The following SUSD1 variants were observed in gnomAD, a reference collection of about 807,000 sequenced individuals.
SUSD1 encodes sushi domain containing 1.
A neutral mutation model predicts 86.9 loss-of-function variants in SUSD1; 65 were observed. That is an observed-to-expected ratio of 0.75 (90% CI 0.61 to 0.92). The LOEUF (loss-of-function observed/expected upper bound fraction) is 0.92, where lower values mean the gene tolerates loss of function less well. Ranked by LOEUF, SUSD1 falls within the 40% of genes least tolerant of loss-of-function variation. The pLI is 0.00. For synonymous variants in SUSD1, 346 were observed against 350.0 expected (o/e 0.99, Z 0.13); for missense variants, 850 against 929.7 (o/e 0.91, Z 1.11).
Position 112,113,706 on chromosome 9 carries a change from C to T in SUSD1, c.887-838G>A, listed in dbSNP as rs1293589367. ...CAGCACTTTGGGAGGCCAAGGTTGGCGGATTACCTGAGCTCAGAAGTTTGA... is the reference window on the plus strand; with the variant it reads ...CAGCACTTTGGGAGGCCAAGGTTGGTGGATTACCTGAGCTCAGAAGTTTGA... On this transcript the variant is annotated intron_variant, in intron 6 of 16. Coordinates refer to ENST00000374270, the MANE Select transcript of SUSD1 (RefSeq NM_022486.5). This position sits in a 1 kb window ranked among gnomAD's most constrained non-coding sequence, Gnocchi z 4.1. Among the ~76,000 whole-genome samples the T allele has an allele frequency of 1.3e-5, 2 of 151,798 alleles. No homozygotes were observed. The highest frequency in any genetic ancestry group is 2.4e-5 in the African/African-American group (1 of 41,320).
In SUSD1 at chr9:112,113,856, T is replaced by C. The variant is rs1333740281; in HGVS notation, c.887-988A>G. 2.0e-5 allele frequency among the ~76,000 whole-genome samples: 3 copies of C among 152,044 alleles called. No homozygotes were observed. Among genetic ancestry groups the C allele is most frequent in the Non-Finnish European group, 4.4e-5 (3 of 68,008 alleles). The stretch of plus-strand genomic sequence containing the variant: ...CTGAGGCAGGAGAATCACTTGAACC[T>C]GGGAGGCAGAGGTTGCAGTGAGCTG... On this transcript the variant is annotated intron_variant, in intron 6 of 16. Coordinates refer to ENST00000374270, the MANE Select transcript of SUSD1 (RefSeq NM_022486.5). This position sits in a 1 kb window ranked among gnomAD's most constrained non-coding sequence, Gnocchi z 4.1.
chr9:112,161,822 A>C (rs1377423742), intron 1 of SUSD1, among the ~76,000 whole-genome samples: 1 of 15,676 alleles, frequency 6.4e-5, no homozygotes, highest in Non-Finnish European at 1.4e-4. Flanking sequence ...ACTCCATCCA[A>C]AAAAAAAAAA....
At chr9:112,159,929 A>G (rs1260562079) in intron 1 of SUSD1, among the ~76,000 whole-genome samples, 1 of 152,202 alleles carries the variant, frequency 6.6e-6, no homozygotes, top group Non-Finnish European at 1.5e-5. Flanking sequence ...ATTTTAAAAA[A>G]GAACACACAA....
chr9:112,094,004 A>G (rs988458458), intron 10 of SUSD1, among the ~76,000 whole-genome samples: 1 of 152,078 alleles, frequency 6.6e-6, no homozygotes, highest in Admixed American at 6.5e-5. Context: ...GCCCGGAAGT[A>G]GCTAAGGTTT....
rs149595392 is a variant in SUSD1 at position 112,163,217 on chromosome 9, G to A, written c.104-5604C>T. On this transcript the variant is annotated intron_variant, in intron 1 of 16. Transcript: ENST00000374270. ...GTCACCCAGGCTGGAGTGCAATGGT[G>A]TGACGACAGCTCACTGCAGCCTTGA... is the stretch of plus-strand genomic sequence containing the variant. 1.3e-3 allele frequency among the ~76,000 whole-genome samples: 191 copies of A among 152,210 alleles called. 7 individuals are homozygous for A. The East Asian group carries it at 0.029, about 23-fold the overall frequency.
At chr9:112,080,378 A>C (rs1589624191) in intron 10 of SUSD1, among the ~76,000 whole-genome samples, 1 of 152,250 alleles carries the variant, frequency 6.6e-6, no homozygotes, top group East Asian at 1.9e-4. Context: ...ACCTAATCGG[A>C]GGACCCCTCT....
intron 5 of SUSD1, among the ~76,000 whole-genome samples, chr9:112,141,749 G>A (rs965109206): frequency 8.3e-6 from 1 of 120,258 alleles, no homozygotes; most frequent in African/African-American, 3.9e-5. Context: ...TATATTACAT[G>A]TAATATATAA....
At chr9:112,099,679 G>C (rs1347673995) in intron 9 of SUSD1, among the ~76,000 whole-genome samples, 1 of 152,096 alleles carries the variant, frequency 6.6e-6, no homozygotes, top group Non-Finnish European at 1.5e-5. Context: ...GATCAGTTAG[G>C]GTGCATTAGC....
intron 1 of SUSD1, chr9:112,174,045 CGGCTTCCAGT>C (rs72157169): frequency 0.48 from 76,062 of 157,992 alleles, 18,761 homozygotes; most frequent in African/African-American, 0.59. Context: ...CTCCCTGAGA[CGGCTTCCAGT>C]GGCTTCCAGG....
chr9:112,115,511 TC>T (rs1306494801), intron 6 of SUSD1, among the ~76,000 whole-genome samples: 17 of 152,078 alleles, frequency 1.1e-4, no homozygotes, highest in Admixed American at 6.6e-4. Context: ...AAAGAAATAC[TC>T]CAATTGTGGG....
intron 14 of SUSD1, among the ~76,000 whole-genome samples, chr9:112,055,792 G>A (rs1828421043): frequency 6.6e-6 from 1 of 151,976 alleles, no homozygotes; most frequent in African/African-American, 2.4e-5. Flanking sequence ...AAGCAAACGT[G>A]GTATACTCAT....
At position 112,058,589 on chromosome 9, in the gene SUSD1, C is replaced by T. The variant is rs1208383673; in HGVS notation, c.1948G>A (p.Asp650Asn). The T allele has an allele frequency of 6.2e-7, 1 of 1,614,144 alleles. No individual in the cohort carries two copies. Among genetic ancestry groups the T allele is most frequent in the South Asian group, 1.1e-5 (1 of 91,082 alleles). The change falls in exon 14 of 17, where the codon GAT becomes AAT. Residue 650 changes from aspartate to asparagine, a missense_variant. Transcript: ENST00000374270. Reference sequence around the variant, plus strand: ...AGTAGTTCTGCAGCCACGTATCCATCAGCATCAGAGGCGTTGCTAAAGAAG... The same window carrying T: ...AGTAGTTCTGCAGCCACGTATCCATTAGCATCAGAGGCGTTGCTAAAGAAG... ...SSFFSNASDA[D>N]GYVAAELLAK...
chr9:112,127,181 G>T (rs1032107604), intron 5 of SUSD1, among the ~76,000 whole-genome samples: 1 of 152,138 alleles, frequency 6.6e-6, no homozygotes, highest in Admixed American at 6.5e-5. Flanking sequence ...AGACCAGCCT[G>T]GCCAACATGG....
intron 14 of SUSD1, among the ~76,000 whole-genome samples, chr9:112,056,736 G>GTGTGTGTA (rs1554752461): frequency 1.3e-5 from 2 of 151,896 alleles, no homozygotes; most frequent in African/African-American, 4.8e-5. Context: ...GTGTGTGTGT[G>GTGTGTGTA]AGACAGGGTC....
intron 2 of SUSD1, among the ~76,000 whole-genome samples, chr9:112,154,577 A>G (rs984842453): frequency 1.3e-5 from 2 of 152,176 alleles, no homozygotes; most frequent in African/African-American, 4.8e-5. Flanking sequence ...TTAGAGAGAC[A>G]GAGCAGACTC....
At chr9:112,062,239 C>T (rs137920454) in intron 13 of SUSD1, among the ~76,000 whole-genome samples, 2 of 152,248 alleles carry the variant, frequency 1.3e-5, no homozygotes, top group East Asian at 1.9e-4. Flanking sequence ...TGAAACGATG[C>T]CCCTGACCCA....
At chr9:112,132,106 AATC>A (rs1277449477) in intron 5 of SUSD1, among the ~76,000 whole-genome samples, 3 of 152,254 alleles carry the variant, frequency 2.0e-5, no homozygotes, top group Admixed American at 1.3e-4. Context: ...TACGGCATCT[AATC>A]AACAACTGAC....
intron 8 of SUSD1, among the ~76,000 whole-genome samples, chr9:112,107,531 T>C (rs574856532): frequency 1.3e-5 from 2 of 152,188 alleles, no homozygotes; most frequent in Admixed American, 6.5e-5. Flanking sequence ...GGATAACTTA[T>C]CTAATCAAAA....
chr9:112,098,717 G>A, intron 9 of SUSD1, 55 bp from the exon 10 acceptor site: 1 of 1,528,438 alleles, frequency 6.5e-7, no homozygotes, highest in Non-Finnish European at 9.0e-7. Flanking sequence ...ACTAACAGGT[G>A]CCTAGACTAT....
Sources: gnomAD v4.1 joint callset for allele counts (sites outside exome capture counted in the v4.1 genomes callset) on GRCh38, gnomAD v4.1.1 for gene constraint, Gnocchi (gnomAD v3.1) non-coding constraint, MANE v1.5 for transcripts, NCBI Gene and HGNC (gene_info 2026-07-23, HGNC 2026-07-21) for gene names.